KIAA1328: variants seen among roughly 807,000 people sequenced by gnomAD.
KIAA1328 encodes protein hinderin.
In KIAA1328, 52 loss-of-function variants were observed where a neutral mutation model predicts 68.1. That is an observed-to-expected ratio of 0.76 (90% CI 0.61 to 0.96). The LOEUF is 0.96. Ranked by LOEUF, KIAA1328 falls within the 40% of genes least tolerant of loss-of-function variation. KIAA1328 has a pLI of 0.00. For missense variants in KIAA1328, 641 were observed against 677.6 expected, an observed-to-expected ratio of 0.95 and a Z score of 0.60; for synonymous variants, 232 against 239.4, an observed-to-expected ratio of 0.97 and a Z score of 0.28.
At chr18:36,869,078 C>A (rs1411556119) in intron 4 of KIAA1328, among the ~76,000 whole-genome samples, 2 of 147,954 alleles carry the variant, frequency 1.4e-5, no homozygotes, top group African/African-American at 5.0e-5. Context: ...CCACCAGAAG[C>A]CTTTATGGAT....
chr18:36,907,603 G>A (rs2049270769), intron 5 of KIAA1328, among the ~76,000 whole-genome samples: 1 of 151,924 alleles, frequency 6.6e-6, no homozygotes, highest in Admixed American at 6.6e-5. Context: ...TGCATTTCTG[G>A]GCTGAAGCCC....
intron 6 of KIAA1328, among the ~76,000 whole-genome samples, chr18:37,012,641 A>G (rs917037140): frequency 6.6e-6 from 1 of 152,200 alleles, no homozygotes; most frequent in Non-Finnish European, 1.5e-5. Flanking sequence ...GACTGTTTAA[A>G]CAAATTATGG....
chr18:37,049,589 T>C (rs183607721), intron 6 of KIAA1328, among the ~76,000 whole-genome samples: 2 of 152,258 alleles, frequency 1.3e-5, no homozygotes, highest in East Asian at 3.9e-4. Context: ...AGGACAGCCA[T>C]CTTAAATCTC....
chr18:37,010,460 A>G (rs1363517738), intron 6 of KIAA1328, among the ~76,000 whole-genome samples: 2 of 129,698 alleles, frequency 1.5e-5, no homozygotes, highest in Non-Finnish European at 3.6e-5. Flanking sequence ...AAAAAAAAAA[A>G]AAAAAAAAAA....
At chr18:37,217,891 T>G (rs1253556909) in intron 9 of KIAA1328, among the ~76,000 whole-genome samples, 10 of 152,242 alleles carry the variant, frequency 6.6e-5, no homozygotes, top group Admixed American at 6.5e-4. Context: ...TTCTCTAAAC[T>G]TCTTGCTTCA....
chr18:36,976,952 G>A (rs192301312), intron 6 of KIAA1328, among the ~76,000 whole-genome samples: 4 of 152,234 alleles, frequency 2.6e-5, no homozygotes, highest in Admixed American at 2.6e-4. Flanking sequence ...TTCATACGGA[G>A]TATTGATTAA....
intron 6 of KIAA1328, among the ~76,000 whole-genome samples, chr18:36,996,754 T>C (rs2053407290): frequency 6.6e-6 from 1 of 152,182 alleles, no homozygotes; most frequent in African/African-American, 2.4e-5. Context: ...CTTCTTTCTT[T>C]TGCTGTACTT....
At position 37,158,919 on chromosome 18, in the gene KIAA1328, A is replaced by G. The variant is rs2059216233; in HGVS notation, c.1233-1281A>G. Among the ~76,000 whole-genome samples the G allele has an allele frequency of 2.6e-5, 4 of 152,086 alleles. No homozygotes were observed. In the South Asian group the frequency reaches 8.3e-4, roughly 32 times the overall value. On this transcript the variant is annotated intron_variant, in intron 7 of 9. Transcript: ENST00000280020. ...GTTTGGGGCCTCTGGGTTGACGTAA[A>G]TTTATATAACATTCACAATAAGGTA...
intron 7 of KIAA1328, among the ~76,000 whole-genome samples, chr18:37,085,949 A>G (rs184946143): frequency 2.0e-5 from 3 of 152,286 alleles, no homozygotes; most frequent in South Asian, 4.1e-4. Flanking sequence ...ACTATCTACT[A>G]TTCTTAAATT....
At chr18:37,112,950 G>T (rs964131842) in intron 7 of KIAA1328, among the ~76,000 whole-genome samples, 2 of 152,112 alleles carry the variant, frequency 1.3e-5, no homozygotes, top group Admixed American at 1.3e-4. Context: ...GAGAAGAGAA[G>T]TTTAGAGAAA....
intron 7 of KIAA1328, chr18:37,084,287 T>TACCAA: frequency 2.0e-6 from 2 of 1,013,400 alleles, no homozygotes; most frequent in Non-Finnish European, 2.8e-6. Context: ...ATATTTAGGA[T>TACCAA]ACGTTTGGTA....
At chr18:37,003,886 T>C (rs1404062077) in intron 6 of KIAA1328, among the ~76,000 whole-genome samples, 3 of 151,678 alleles carry the variant, frequency 2.0e-5, no homozygotes, top group Admixed American at 1.3e-4. Flanking sequence ...TGTTGAAGAT[T>C]AGTGGGCTGT....
intron 5 of KIAA1328, among the ~76,000 whole-genome samples, chr18:36,940,708 G>A (rs2050677644): frequency 1.5e-5 from 2 of 137,554 alleles, no homozygotes; most frequent in Non-Finnish European, 1.5e-5. Context: ...ACGGAGTCTC[G>A]CTCTGTCACC....
chr18:36,958,646 A>G (rs1172514293), intron 5 of KIAA1328, among the ~76,000 whole-genome samples: 5 of 152,152 alleles, frequency 3.3e-5, no homozygotes, highest in African/African-American at 1.2e-4. Flanking sequence ...GTTTTGGGAA[A>G]TGTATATTCA....
intron 7 of KIAA1328, among the ~76,000 whole-genome samples, chr18:37,101,670 T>C (rs1236601286): frequency 2.0e-5 from 3 of 152,018 alleles, no homozygotes; most frequent in African/African-American, 4.8e-5. Flanking sequence ...CAGAGAATGC[T>C]ACAAAGATAC....
At chr18:36,920,454 C>T (rs978666384) in intron 5 of KIAA1328, among the ~76,000 whole-genome samples, 1 of 151,920 alleles carries the variant, frequency 6.6e-6, no homozygotes, top group East Asian at 1.9e-4. Context: ...GTTACTATAG[C>T]CTTGTAGTAT....
chr18:37,214,489 G>C (rs1365603784), intron 9 of KIAA1328, among the ~76,000 whole-genome samples: 1 of 152,130 alleles, frequency 6.6e-6, no homozygotes, highest in Admixed American at 6.5e-5. Flanking sequence ...TGAGGCCTCT[G>C]TTCTGTTCCA....
chr18:36,973,915 G>T (rs979999902), intron 6 of KIAA1328, among the ~76,000 whole-genome samples: 1 of 151,610 alleles, frequency 6.6e-6, no homozygotes, highest in African/African-American at 2.4e-5. Flanking sequence ...TTATTGACCT[G>T]AAGATATATA....
Position 36,844,298 on chromosome 18 carries a change from GC to G in KIAA1328, c.330del (p.Arg111GlufsTer2). The part of the protein sequence containing the change: ...RRIANLIKEL[A>X]RVSEEKEVTE... ...CATTGCAAACTTAATTAAAGAACTG[GC>G]CAGGTGAGATAAAACCTTATATGAA... On this transcript the variant is annotated frameshift_variant, in exon 4 of 10. Coordinates refer to ENST00000280020, the MANE Select transcript of KIAA1328 (RefSeq NM_020776.3). LOFTEE classifies it high-confidence loss of function. The G allele has an allele frequency of 6.3e-7, 1 of 1,587,096 alleles. No individual in the cohort carries two copies. Among genetic ancestry groups the G allele is most frequent in the Non-Finnish European group, 8.6e-7 (1 of 1,165,816 alleles).
Sources: allele counts gnomAD v4.1 joint callset (sites outside exome capture counted in the v4.1 genomes callset), GRCh38; gene constraint gnomAD v4.1.1; transcripts MANE v1.5; gene names NCBI Gene and HGNC (gene_info 2026-07-23, HGNC 2026-07-21).